ATG7: variants seen among roughly 807,000 people sequenced by gnomAD.
The protein encoded by ATG7 is ubiquitin-like modifier-activating enzyme ATG7.
A neutral mutation model predicts 82.4 loss-of-function variants in ATG7; 70 were observed. That is an observed-to-expected ratio of 0.85 (90% CI 0.70 to 1.04). The LOEUF (loss-of-function observed/expected upper bound fraction) is 1.04, where lower values mean the gene tolerates loss of function less well. Ranked by LOEUF, ATG7 falls within the 50% of genes least tolerant of loss-of-function variation. The probability of loss-of-function intolerance (pLI) is 0.00; values close to 1 mark genes in which losing one functional copy is unlikely to be tolerated. For missense variants in ATG7, 792 were observed against 864.3 expected (o/e 0.92, Z 1.05); for synonymous variants, 287 against 313.0 (o/e 0.92, Z 0.88).
chr3:11,343,073 T>C (rs1953924432), intron 13 of ATG7, among the ~76,000 whole-genome samples: 2 of 151,866 alleles, frequency 1.3e-5, no homozygotes. Context: ...GGACTACAGG[T>C]GTGCACCATT....
intron 15 of ATG7, 22 bp from the exon 16 acceptor site, chr3:11,360,559 T>C: frequency 6.2e-7 from 1 of 1,608,234 alleles, no homozygotes; most frequent in Non-Finnish European, 8.5e-7. Flanking sequence ...AACTCTGCTC[T>C]TTCATTCCTT....
chr3:11,556,656 GGAAAGGGAAAAAT>G lies in ATG7; in HGVS notation c.*1814_*1826del, dbSNP rs1414500912. On this transcript the variant is annotated 3_prime_UTR_variant, in exon 21 of 21. Transcript: ENST00000693202. ...ACAAAAAAAATGAATGATTACAATA[GGAAAGGGAAAAAT>G]TAAATAGCTACATATCATTAACAAA... 1 of 152,376 alleles carries G rather than the reference GGAAAGGGAAAAAT, an allele frequency of 6.6e-6. No homozygotes were observed. Among genetic ancestry groups the G allele is most frequent in the Non-Finnish European group, 1.5e-5 (1 of 67,992 alleles). The allele number at this position is 152,376 out of a possible 1,614,324, so 9.4% of individuals were successfully genotyped here. A position where few individuals can be genotyped will look rare whatever the true frequency, so the allele number is the denominator to read the frequency against.
intron 19 of ATG7, among the ~76,000 whole-genome samples, chr3:11,425,026 G>A (rs2082246862): frequency 6.6e-6 from 1 of 151,962 alleles, no homozygotes; most frequent in African/African-American, 2.4e-5. Context: ...GCAGTGGTGT[G>A]ATCATAACTA....
downstream of ATG7, among the ~76,000 whole-genome samples, chr3:11,560,838 G>A (rs1340701341): frequency 6.6e-6 from 1 of 152,194 alleles, no homozygotes; most frequent in African/African-American, 2.4e-5. Flanking sequence ...CGGGCAGGTG[G>A]AGCTGGGCTG....
In ATG7 at chr3:11,449,581, T is replaced by C. The variant is rs535887107; in HGVS notation, c.2079+22655T>C. ...AATGGAGTGATTCTAGAGAGAATGA[T>C]TTTCCCGACCCTTCCCTTGGGTTAT... On this transcript the variant is annotated intron_variant, in intron 20 of 20. Coordinates refer to ENST00000693202, the MANE Select transcript of ATG7 (RefSeq NM_001349232.2). 2.0e-5 allele frequency among the ~76,000 whole-genome samples: 3 copies of C among 152,274 alleles called. No individual in the cohort carries two copies. The East Asian group carries it at 5.8e-4, about 29-fold the overall frequency.
intron 3 of ATG7, chr3:11,290,530 T>C: frequency 2.7e-6 from 1 of 371,802 alleles, no homozygotes; most frequent in Non-Finnish European, 5.3e-6. Flanking sequence ...GCCTTCTCCT[T>C]CCTCTTCTCC....
At chr3:11,495,569 C>G (rs1028825574) in intron 20 of ATG7, among the ~76,000 whole-genome samples, 1 of 152,238 alleles carries the variant, frequency 6.6e-6, no homozygotes, top group African/African-American at 2.4e-5. Context: ...AGGCAGTTTC[C>G]TAACGACTGG....
intron 20 of ATG7, among the ~76,000 whole-genome samples, chr3:11,428,474 A>G (rs1024494692): frequency 2.0e-5 from 3 of 152,242 alleles, no homozygotes. Context: ...CCTTCTTTAA[A>G]TTGTTTTGGT....
At chr3:11,452,714 C>CT (rs1250020437) in intron 20 of ATG7, among the ~76,000 whole-genome samples, 1 of 152,120 alleles carries the variant, frequency 6.6e-6, no homozygotes, top group East Asian at 1.9e-4. Context: ...TCACCACAGG[C>CT]TTGAAGACTG....
At chr3:11,411,073 T>C (rs528965302) in intron 19 of ATG7, among the ~76,000 whole-genome samples, 63 of 152,274 alleles carry the variant, frequency 4.1e-4, no homozygotes, top group Non-Finnish European at 7.2e-4. Context: ...TGTAGAAGTC[T>C]TTTTTTATCG....
chr3:11,504,305 C>T (rs2091557472), intron 20 of ATG7, among the ~76,000 whole-genome samples: 2 of 152,202 alleles, frequency 1.3e-5, no homozygotes, highest in South Asian at 4.1e-4. Context: ...AGCCAAACCG[C>T]TCATTGAATA....
At chr3:11,353,899 A>G (rs1043069526) in intron 14 of ATG7, among the ~76,000 whole-genome samples, 10 of 152,196 alleles carry the variant, frequency 6.6e-5, no homozygotes, top group Non-Finnish European at 1.0e-4. Context: ...AACACAGGAA[A>G]TACAAAGAAG....
chr3:11,361,963 C>G (rs2076312586), intron 16 of ATG7, among the ~76,000 whole-genome samples: 1 of 152,196 alleles, frequency 6.6e-6, no homozygotes, highest in African/African-American at 2.4e-5. Flanking sequence ...ACTCATATCT[C>G]TTTTGGATGA....
intron 20 of ATG7, among the ~76,000 whole-genome samples, chr3:11,465,744 G>A (rs986646397): frequency 2.0e-5 from 3 of 151,910 alleles, no homozygotes; most frequent in African/African-American, 7.3e-5. Context: ...CAACCTGGGC[G>A]ACAGCGAGAC....
intron 9 of ATG7, among the ~76,000 whole-genome samples, chr3:11,326,017 C>A (rs1260989179): frequency 6.6e-6 from 1 of 152,150 alleles, no homozygotes; most frequent in East Asian, 1.9e-4. Flanking sequence ...CTTAAACATT[C>A]TCTAAAGTTC....
intron 20 of ATG7, among the ~76,000 whole-genome samples, chr3:11,530,412 G>T (rs1370885168): frequency 6.6e-6 from 1 of 152,060 alleles, no homozygotes; most frequent in Non-Finnish European, 1.5e-5. Flanking sequence ...TTGGGTACAG[G>T]AGTGTAGCTT....
At chr3:11,500,715 C>T (rs1307572544) in intron 20 of ATG7, among the ~76,000 whole-genome samples, 1 of 152,184 alleles carries the variant, frequency 6.6e-6, no homozygotes, top group Non-Finnish European at 1.5e-5. Context: ...ACTGCAACCT[C>T]CACCTCCCAG....
At chr3:11,409,505 T>G (rs1179789032) in intron 19 of ATG7, among the ~76,000 whole-genome samples, 1 of 152,218 alleles carries the variant, frequency 6.6e-6, no homozygotes, top group Non-Finnish European at 1.5e-5. Flanking sequence ...TGTTCAGTAG[T>G]TAGGTGTAAT....
intron 20 of ATG7, among the ~76,000 whole-genome samples, chr3:11,493,026 CCAGTGTGACAG>C (rs1213370493): frequency 3.3e-5 from 5 of 152,240 alleles, no homozygotes; most frequent in African/African-American, 2.4e-5. Context: ...GGGCAAAGGG[CCAGTGTGACAG>C]CCTTTTTGGG....
Sources: allele counts gnomAD v4.1 joint callset (sites outside exome capture counted in the v4.1 genomes callset), GRCh38; gene constraint gnomAD v4.1.1; transcripts MANE v1.5; gene names NCBI Gene and HGNC (gene_info 2026-07-23, HGNC 2026-07-21).